PAPPA2: variants seen among roughly 807,000 people sequenced by gnomAD.
PAPPA2 encodes pappalysin-2.
PAPPA2 carries 86 observed loss-of-function variants against 176.4 expected under a neutral mutation model. The ratio of observed to expected loss-of-function variants is 0.49; its 90% confidence interval spans 0.41 to 0.58. The LOEUF (loss-of-function observed/expected upper bound fraction) is 0.58, where lower values mean the gene tolerates loss of function less well. PAPPA2 is among the 20% of genes least tolerant of loss of function. PAPPA2 has a pLI of 0.00. For missense variants in PAPPA2, 2,073 were observed against 2,256.9 expected, an observed-to-expected ratio of 0.92 and a Z score of 1.65; for synonymous variants, 809 against 852.2, an observed-to-expected ratio of 0.95 and a Z score of 0.88.
Position 176,739,120 on chromosome 1 carries a change from A to G in PAPPA2, c.3799-506A>G, listed in dbSNP as rs561297165. On this transcript the variant is annotated intron_variant, in intron 12 of 22. Transcript: ENST00000367662. Reference sequence around the variant, plus strand: ...TCTCCCATGTCAGAGTTCACATGCTATGTGAGAGGTTCTGATAAAAATTTT... The same window carrying G: ...TCTCCCATGTCAGAGTTCACATGCTGTGTGAGAGGTTCTGATAAAAATTTT... Among the ~76,000 whole-genome samples the G allele has an allele frequency of 3.5e-4, 53 of 152,290 alleles. No homozygotes were observed. The South Asian group carries it at 0.011, about 31-fold the overall frequency.
At chr1:176,608,760 T>G (rs1488731266) in intron 3 of PAPPA2, among the ~76,000 whole-genome samples, 1 of 152,192 alleles carries the variant, frequency 6.6e-6, no homozygotes, top group African/African-American at 2.4e-5. Context: ...GGGAGAGCCC[T>G]CAGAGAAGTC....
chr1:176,522,160 T>C (rs1558415530), intron 1 of PAPPA2, among the ~76,000 whole-genome samples: 2 of 152,224 alleles, frequency 1.3e-5, no homozygotes, highest in Non-Finnish European at 2.9e-5. Context: ...AAACATTCCT[T>C]TTATTTTTAC....
At chr1:176,481,251 A>AAC (rs1652379411) in intron 1 of PAPPA2, among the ~76,000 whole-genome samples, 1 of 95,232 alleles carries the variant, frequency 1.1e-5, no homozygotes, top group Non-Finnish European at 2.2e-5. Context: ...GAGATTTTAA[A>AAC]GCACACACAC....
intron 2 of PAPPA2, among the ~76,000 whole-genome samples, chr1:176,588,215 CTGT>C (rs1653442518): frequency 6.6e-6 from 1 of 152,144 alleles, no homozygotes; most frequent in African/African-American, 2.4e-5. Flanking sequence ...CTCCACTTGT[CTGT>C]TGTTGGTGTA....
intron 10 of PAPPA2, among the ~76,000 whole-genome samples, chr1:176,707,914 A>G (rs1357352015): frequency 6.6e-6 from 1 of 151,954 alleles, no homozygotes; most frequent in Non-Finnish European, 1.5e-5. Context: ...ACCCTTTCTT[A>G]TTTACCCCAA....
rs1667582143 is a variant in PAPPA2 at position 176,844,132 on chromosome 1, T to C, written c.*1678T>C. The C allele has an allele frequency of 6.7e-6, 1 of 148,938 alleles. No individual in the cohort carries two copies. Among genetic ancestry groups the C allele is most frequent in the Non-Finnish European group, 1.5e-5 (1 of 67,480 alleles). 9.2% of individuals were successfully genotyped at this position (148,938 alleles called of 1,614,324 possible). On this transcript the variant is annotated 3_prime_UTR_variant, in exon 23 of 23. Transcript: ENST00000367662. ...AGTGAGTAAGGAGCCAGTTTCTGTTTAACATTCTAGTTTTACTCATTTTAG... is the reference window on the plus strand; with the variant it reads ...AGTGAGTAAGGAGCCAGTTTCTGTTCAACATTCTAGTTTTACTCATTTTAG...
intron 21 of PAPPA2, among the ~76,000 whole-genome samples, chr1:176,838,398 GA>G (rs902689364): frequency 1.3e-5 from 2 of 151,880 alleles, no homozygotes; most frequent in East Asian, 3.9e-4. Context: ...CAATTACATG[GA>G]AAAAAAAGAA....
chr1:176,673,065 G>A (rs1224661203), intron 4 of PAPPA2, among the ~76,000 whole-genome samples: 1 of 152,010 alleles, frequency 6.6e-6, no homozygotes, highest in Admixed American at 6.6e-5. Context: ...GTTTCTGGGT[G>A]GGATGAGACA....
At chr1:176,746,542 G>T (rs1662916966) in intron 14 of PAPPA2, among the ~76,000 whole-genome samples, 1 of 152,098 alleles carries the variant, frequency 6.6e-6, no homozygotes, top group Admixed American at 6.5e-5. Flanking sequence ...AAGTAGCAGG[G>T]ACTACAGGCG....
intron 12 of PAPPA2, among the ~76,000 whole-genome samples, chr1:176,729,318 C>G (rs1382868333): frequency 6.6e-6 from 1 of 152,036 alleles, no homozygotes; most frequent in Non-Finnish European, 1.5e-5. Context: ...TAATTTTTAA[C>G]TCTCTTTTAT....
At chr1:176,629,757 G>T (rs1361792223) in intron 3 of PAPPA2, among the ~76,000 whole-genome samples, 1 of 152,078 alleles carries the variant, frequency 6.6e-6, no homozygotes, top group African/African-American at 2.4e-5. Flanking sequence ...TCAGGCATTG[G>T]GGAGGACACT....
chr1:176,747,112 C>T (rs1339506634), intron 14 of PAPPA2, among the ~76,000 whole-genome samples: 2 of 152,202 alleles, frequency 1.3e-5, no homozygotes, highest in African/African-American at 2.4e-5. Flanking sequence ...AAATGGTGAA[C>T]TATTTCAGAA....
chr1:176,652,926 T>C (rs1657817229), intron 3 of PAPPA2, among the ~76,000 whole-genome samples: 1 of 151,750 alleles, frequency 6.6e-6, no homozygotes. Context: ...CATCTCATTT[T>C]GGTTCTGGGA....
intron 17 of PAPPA2, among the ~76,000 whole-genome samples, chr1:176,781,963 A>G (rs938677220): frequency 4.6e-5 from 7 of 152,240 alleles, no homozygotes; most frequent in African/African-American, 1.7e-4. Flanking sequence ...AATTCATGCA[A>G]TGGAAATCAT....
intron 3 of PAPPA2, among the ~76,000 whole-genome samples, chr1:176,656,591 G>A (rs770345978): frequency 3.3e-5 from 5 of 151,856 alleles, no homozygotes; most frequent in African/African-American, 4.8e-5. Context: ...GGTAACTGGA[G>A]CGGACATGAT....
Position 176,842,700 on chromosome 1 carries a change from G to T in PAPPA2, c.*246G>T. On this transcript the variant is annotated 3_prime_UTR_variant, in exon 23 of 23. Transcript: ENST00000367662. ...AGTGGCAGTTGATTAACATGGAAGG[G>T]GAAATATGATAGATATATAAGGACC... The T allele has an allele frequency of 1.8e-5, 9 of 494,408 alleles. No homozygotes were observed. The highest frequency in any genetic ancestry group is 4.8e-5 in the South Asian group (2 of 41,506). The allele number at this position is 494,408 out of a possible 1,614,324, so 30.6% of individuals were successfully genotyped here. A position where few individuals can be genotyped will look rare whatever the true frequency, so the allele number is the denominator to read the frequency against.
chr1:176,830,108 C>T (rs1019275639), intron 21 of PAPPA2, among the ~76,000 whole-genome samples: 6 of 152,120 alleles, frequency 3.9e-5, no homozygotes, highest in African/African-American at 1.2e-4. Flanking sequence ...GTGGTTTATA[C>T]CTGTAGTCCC....
chr1:176,543,224 A>C (rs564852104), intron 1 of PAPPA2, among the ~76,000 whole-genome samples: 2 of 152,290 alleles, frequency 1.3e-5, no homozygotes, highest in East Asian at 1.9e-4. Flanking sequence ...TGGGGAGTCC[A>C]TGTGTGGCCA....
chr1:176,516,475 A>G (rs1648919591), intron 1 of PAPPA2, among the ~76,000 whole-genome samples: 1 of 152,138 alleles, frequency 6.6e-6, no homozygotes, highest in Admixed American at 6.6e-5. Context: ...TCCAAAATCC[A>G]TGTTGAAACT....
Sources: allele counts gnomAD v4.1 joint callset (sites outside exome capture counted in the v4.1 genomes callset), GRCh38; gene constraint gnomAD v4.1.1; transcripts MANE v1.5; gene names NCBI Gene and HGNC (gene_info 2026-07-23, HGNC 2026-07-21).